Variants in DOCK4 observed in about 807,000 individuals in gnomAD.
The protein encoded by DOCK4 is dedicator of cytokinesis 4, also known as dedicator of cytokinesis protein 4.
A neutral mutation model predicts 268.1 loss-of-function variants in DOCK4; 97 were observed. The ratio of observed to expected loss-of-function variants is 0.36; its 90% confidence interval spans 0.31 to 0.43. The LOEUF (loss-of-function observed/expected upper bound fraction) is 0.43, where lower values mean the gene tolerates loss of function less well. Ranked by LOEUF, DOCK4 falls within the 20% of genes least tolerant of loss-of-function variation. The probability of loss-of-function intolerance (pLI) is 1.00; values close to 1 mark genes in which losing one functional copy is unlikely to be tolerated. For missense variants in DOCK4, 2,145 were observed against 2,455.7 expected (o/e 0.87, Z 2.67); for synonymous variants, 954 against 887.2 (o/e 1.08, Z -1.34).
chr7:111,822,647 A>C (rs1362960624), intron 26 of DOCK4, among the ~76,000 whole-genome samples, 191 bp from the exon 27 acceptor site: 2 of 152,142 alleles, frequency 1.3e-5, no homozygotes, highest in Non-Finnish European at 2.9e-5. Flanking sequence ...AAACCCACCC[A>C]AATGTTTTCT....
At chr7:111,808,603 A>G in intron 30 of DOCK4, 1 of 470,058 alleles carries the variant, frequency 2.1e-6, no homozygotes, top group Non-Finnish European at 3.8e-6. Flanking sequence ...TTAATAATGA[A>G]ACACACAAAG....
At chr7:112,078,057 A>G (rs1808242792) in intron 1 of DOCK4, among the ~76,000 whole-genome samples, 1 of 152,142 alleles carries the variant, frequency 6.6e-6, no homozygotes, top group African/African-American at 2.4e-5. Context: ...ATAATGATGA[A>G]AATACAGAAA....
intron 1 of DOCK4, among the ~76,000 whole-genome samples, chr7:112,005,408 AAACT>A (rs1472707055): frequency 2.0e-5 from 3 of 152,238 alleles, no homozygotes; most frequent in Non-Finnish European, 2.9e-5. Context: ...GAGACAGAAC[AAACT>A]AACTATATGG....
intron 1 of DOCK4, among the ~76,000 whole-genome samples, chr7:112,067,226 A>G (rs1807157586): frequency 6.7e-6 from 1 of 148,580 alleles, no homozygotes; most frequent in Non-Finnish European, 1.5e-5. Flanking sequence ...AATCAGAAAA[A>G]AAAAACACCT....
At chr7:112,069,501 C>T (rs551404027) in intron 1 of DOCK4, among the ~76,000 whole-genome samples, 1 of 152,294 alleles carries the variant, frequency 6.6e-6, no homozygotes, top group South Asian at 2.1e-4. Flanking sequence ...CTAAAACTGT[C>T]GTTCTCAGTT....
chr7:111,899,391 T>A (rs1790939773), intron 15 of DOCK4, among the ~76,000 whole-genome samples: 1 of 152,172 alleles, frequency 6.6e-6, no homozygotes, highest in Non-Finnish European at 1.5e-5. Flanking sequence ...CAAAGCTAGA[T>A]TCACCAAAAC....
intron 15 of DOCK4, among the ~76,000 whole-genome samples, chr7:111,898,729 C>A (rs929589952): frequency 1.3e-5 from 2 of 152,160 alleles, no homozygotes; most frequent in African/African-American, 4.8e-5. Context: ...GTGGTATTAT[C>A]AAGATTTTTT....
chr7:112,181,561 G>A (rs1436245808), intron 1 of DOCK4, among the ~76,000 whole-genome samples: 3 of 141,974 alleles, frequency 2.1e-5, no homozygotes, highest in African/African-American at 5.2e-5. Context: ...GACTGCTTGA[G>A]CCCAGGAGTT....
At chr7:111,960,416 T>C (rs1398226450) in intron 8 of DOCK4, among the ~76,000 whole-genome samples, 1 of 150,816 alleles carries the variant, frequency 6.6e-6, no homozygotes, top group Non-Finnish European at 1.5e-5. Flanking sequence ...ATTGTATATA[T>C]TTATCAATTC....
intron 42 of DOCK4, among the ~76,000 whole-genome samples, chr7:111,752,922 T>G (rs1477177162): frequency 1.3e-5 from 2 of 150,768 alleles, no homozygotes; most frequent in Non-Finnish European, 3.0e-5. Flanking sequence ...CAAAAACACT[T>G]TTTTTGGGTT....
intron 1 of DOCK4, among the ~76,000 whole-genome samples, chr7:112,196,892 CA>C (rs1820501952): frequency 6.6e-6 from 1 of 152,140 alleles, no homozygotes; most frequent in Non-Finnish European, 1.5e-5. Context: ...AACTATCTAG[CA>C]CCTCACACAG....
At chr7:112,075,645 C>T (rs1807996469) in intron 1 of DOCK4, among the ~76,000 whole-genome samples, 1 of 152,140 alleles carries the variant, frequency 6.6e-6, no homozygotes, top group Non-Finnish European at 1.5e-5. Flanking sequence ...GATACGACAA[C>T]ATTAATTTCT....
chr7:111,855,503 G>A (rs559842689), intron 23 of DOCK4, among the ~76,000 whole-genome samples: 1 of 152,298 alleles, frequency 6.6e-6, no homozygotes, highest in African/African-American at 2.4e-5. Flanking sequence ...TTTTAGACAT[G>A]CTGAGTTTAA....
In DOCK4 at chr7:111,867,968, G is replaced by C. The variant is rs774672579; in HGVS notation, c.2280+16C>G. The C allele has an allele frequency of 1.9e-6, 3 of 1,571,212 alleles. No homozygotes were observed. Among genetic ancestry groups the C allele is most frequent in the Non-Finnish European group, 2.6e-6 (3 of 1,160,636 alleles). On this transcript the variant is annotated intron_variant, in intron 22 of 52. Transcript: ENST00000428084. The stretch of plus-strand genomic sequence containing the variant: ...TTATCGTTTTCTTCTATTCAGCATA[G>C]ATGAAAAGAAATTACCTGTGACTGA...
chr7:111,868,202 A>G, intron 21 of DOCK4, 48 bp from the exon 22 acceptor site: 3 of 1,423,796 alleles, frequency 2.1e-6, no homozygotes, highest in Non-Finnish European at 2.9e-6. Context: ...GACAAAGAGT[A>G]TTTATTTAGC....
chr7:112,152,400 C>T (rs1160773141), intron 1 of DOCK4, among the ~76,000 whole-genome samples: 6 of 152,162 alleles, frequency 3.9e-5, no homozygotes, highest in Admixed American at 3.3e-4. Context: ...GATCCACATG[C>T]CACACAGCAT....
At chr7:112,193,683 G>C (rs1031669685) in intron 1 of DOCK4, among the ~76,000 whole-genome samples, 46 of 151,790 alleles carry the variant, frequency 3.0e-4, no homozygotes, top group Non-Finnish European at 3.1e-4. Flanking sequence ...ATCACAGAGA[G>C]AGCCAACACT....
chr7:112,147,795 ATTTTTTTTTTTTTTT>A (rs553280609), intron 1 of DOCK4, among the ~76,000 whole-genome samples: 13 of 102,890 alleles, frequency 1.3e-4, no homozygotes, highest in African/African-American at 3.4e-4. Flanking sequence ...GCAAACGTAG[ATTTTTTTTTTTTTTT>A]TTTTTTTTTT....
chr7:112,142,357 T>C (rs555511110), intron 1 of DOCK4, among the ~76,000 whole-genome samples: 9 of 152,208 alleles, frequency 5.9e-5, no homozygotes, highest in African/African-American at 2.2e-4. Flanking sequence ...AAGGCAGTCA[T>C]GGAAATTTTA....
Sources: allele counts gnomAD v4.1 joint callset (sites outside exome capture counted in the v4.1 genomes callset), GRCh38; gene constraint gnomAD v4.1.1; transcripts MANE v1.5; gene names NCBI Gene and HGNC (gene_info 2026-07-23, HGNC 2026-07-21).